DHX32: variants seen among roughly 807,000 people sequenced by gnomAD.
DHX32 encodes putative pre-mRNA-splicing factor ATP-dependent RNA helicase DHX32.
In DHX32, 51 loss-of-function variants were observed where a neutral mutation model predicts 70.0. The ratio of observed to expected loss-of-function variants is 0.73; its 90% CI spans 0.58 to 0.92. DHX32 has a LOEUF of 0.92. Among genes scored for constraint, DHX32 ranks in the 40% least tolerant of loss-of-function variants. The probability of loss-of-function intolerance (pLI) is 0.00; values close to 1 mark genes in which losing one functional copy is unlikely to be tolerated. For synonymous variants in DHX32, 310 were observed against 315.3 expected (o/e 0.98, Z 0.18); for missense variants, 762 against 891.8 (o/e 0.85, Z 1.85).
intron 6 of DHX32, among the ~76,000 whole-genome samples, chr10:125,847,899 C>T (rs1944043289): frequency 6.6e-6 from 1 of 152,158 alleles, no homozygotes; most frequent in Admixed American, 6.5e-5. Context: ...ACTGATCTGA[C>T]AGGAGGTGGA....
Position 125,841,840 on chromosome 10 carries a change from T to TGACAG in DHX32, c.1445_1446insCTGTC (p.Glu483CysfsTer15). 6.2e-7 allele frequency: 1 copy of TGACAG among 1,613,890 alleles called. No homozygotes were observed. Among genetic ancestry groups the TGACAG allele is most frequent in the Non-Finnish European group, 8.5e-7 (1 of 1,179,986 alleles). On this transcript the variant is annotated frameshift_variant, in exon 7 of 11. Coordinates refer to ENST00000284690, the MANE Select transcript of DHX32 (RefSeq NM_018180.3). LOFTEE classifies it high-confidence loss of function. ...AGAGTTGTGGATCAAGAGGAAACTC[T>TGACAG]GACATGATGATTCCAAATTCAGAAA... is the stretch of plus-strand genomic sequence containing the variant.
intron 7 of DHX32, chr10:125,841,266 AC>A (rs1854871756): frequency 6.2e-7 from 1 of 1,613,956 alleles, no homozygotes; most frequent in Non-Finnish European, 8.5e-7. Flanking sequence ...AGCAGGGAAA[AC>A]CTGAGGTGCT....
upstream of DHX32, among the ~76,000 whole-genome samples, chr10:125,883,467 C>T (rs751099905): frequency 4.7e-4 from 72 of 152,162 alleles, 1 homozygote; most frequent in Admixed American, 1.9e-3. Flanking sequence ...GAGGTACCCA[C>T]GCCCAAGCCA....
rs1373359089 is a variant in DHX32, at chr10:125,853,827, C to G, written c.1092+134G>C. The G allele has an allele frequency of 4.4e-6, 5 of 1,141,004 alleles. No individual in the cohort carries two copies. The African/African-American group carries it at 7.8e-5, about 18-fold the overall frequency. 70.7% of individuals were successfully genotyped at this position (1,141,004 alleles called of 1,614,324 possible). ...CTGGCTGCAATAATTCTTCTTTGCA[C>G]TCATGACCAAATTCAACGAATCCCC... On this transcript the variant is annotated intron_variant, in intron 4 of 10. Coordinates refer to ENST00000284690, the MANE Select transcript of DHX32 (RefSeq NM_018180.3).
intron 4 of DHX32, chr10:125,853,022 C>T (rs759654025): frequency 7.2e-6 from 6 of 830,946 alleles, no homozygotes; most frequent in Non-Finnish European, 1.1e-5. Context: ...TTCAAATCAA[C>T]CAGGATCTTG....
chr10:125,838,947 T>A (rs1245408984), intron 9 of DHX32, 54 bp downstream of exon 9: 8 of 1,535,828 alleles, frequency 5.2e-6, no homozygotes, highest in Non-Finnish European at 7.1e-6. Context: ...CAGCATATCC[T>A]GAGTATGTGC....
intron 2 of DHX32, among the ~76,000 whole-genome samples, chr10:125,863,450 A>ATT (rs1175786533): frequency 1.2e-4 from 17 of 143,854 alleles, no homozygotes; most frequent in African/African-American, 1.8e-4. Flanking sequence ...TCAATGATCA[A>ATT]TTTTTTTTTT....
chr10:125,887,348 T>C (rs1010236374), intron 1 of DHX32, among the ~76,000 whole-genome samples: 7 of 152,188 alleles, frequency 4.6e-5, no homozygotes, highest in Non-Finnish European at 7.4e-5. Flanking sequence ...GTCTATGATA[T>C]GTAGACTCAA....
rs1944104502 is a variant in DHX32, at chr10:125,852,539, C to T, written c.1192+4G>A. The T allele has an allele frequency of 6.2e-7, 1 of 1,613,416 alleles. No homozygotes were observed. Among genetic ancestry groups the T allele is most frequent in the East Asian group, 2.2e-5 (1 of 44,872 alleles). On this transcript the variant is annotated splice_donor_region_variant and intron_variant, in intron 5 of 10. Coordinates refer to ENST00000284690, the MANE Select transcript of DHX32 (RefSeq NM_018180.3). ...ACATTTAGTATTTGTGTCCACAGCA[C>T]TACCTGAAGAAGATGAGCCAAGAAT...
chr10:125,839,895 A>G (rs540740136), intron 8 of DHX32, among the ~76,000 whole-genome samples: 2 of 152,308 alleles, frequency 1.3e-5, no homozygotes, highest in South Asian at 4.1e-4. Context: ...CAACCACAGC[A>G]TGTACTTAGT....
chr10:125,839,221 A>G, intron 8 of DHX32, 33 bp from the exon 9 acceptor site: 1 of 1,602,866 alleles, frequency 6.2e-7, no homozygotes, highest in East Asian at 2.2e-5. Flanking sequence ...CTATTTAGAA[A>G]TGATTTGTCA....
At position 125,859,041 on chromosome 10, in the gene DHX32, GTTTGTTTT is replaced by G. The variant is rs1454901034; in HGVS notation, c.849+554_849+561del. On this transcript the variant is annotated intron_variant, in intron 3 of 10. Transcript: ENST00000284690. ...TAAAGGTTTTTTTTTTTGTTTGTTT[GTTTGTTTT>G]TTTTTTTTTTTTTTAATCTTTTAAG... Among the ~76,000 whole-genome samples, 204 of 134,244 alleles carry G rather than the reference GTTTGTTTT, an allele frequency of 1.5e-3. 1 individual carries two copies. The highest frequency in any genetic ancestry group is 4.1e-3 in the Middle Eastern group (1 of 244). The allele number at this position is 134,244 out of a possible 152,430, so 88.1% of individuals were successfully genotyped here.
Position 125,836,469 on chromosome 10 carries a change from A to C in DHX32, c.*218T>G, listed in dbSNP as rs1165062043. 2.5e-5 allele frequency: 35 copies of C among 1,398,234 alleles called. No homozygotes were observed. The highest frequency in any genetic ancestry group is 3.2e-5 in the Non-Finnish European group (35 of 1,077,138). The allele number at this position is 1,398,234 out of a possible 1,614,324, so 86.6% of individuals were successfully genotyped here. A position where few individuals can be genotyped will look rare whatever the true frequency, so the allele number is the denominator to read the frequency against. ...TGGTCAAATTATGAGTGGTTGATTT[A>C]AAAACTTTTCCAAGAAGAAGAAAAG... On this transcript the variant is annotated 3_prime_UTR_variant, in exon 11 of 11. Coordinates refer to ENST00000284690, the MANE Select transcript of DHX32 (RefSeq NM_018180.3).
In DHX32 at chr10:125,866,511, G is replaced by T. The variant is rs529456011; in HGVS notation, c.476+479C>A. Among the ~76,000 whole-genome samples the T allele has an allele frequency of 2.6e-5, 4 of 152,200 alleles. No individual in the cohort carries two copies. In the East Asian group the frequency reaches 7.7e-4, roughly 29 times the overall value. On this transcript the variant is annotated intron_variant, in intron 2 of 10. Coordinates refer to ENST00000284690, the MANE Select transcript of DHX32 (RefSeq NM_018180.3). This position sits in a 1 kb window ranked among gnomAD's most constrained non-coding sequence, Gnocchi z 4.8. Reference sequence around the variant, plus strand: ...GGGTTTTCTAATGTGTATTACTGGAGGGGCAGGGAAGCCTTCCTGGAGTAG... The same window carrying T: ...GGGTTTTCTAATGTGTATTACTGGATGGGCAGGGAAGCCTTCCTGGAGTAG...
intron 6 of DHX32, among the ~76,000 whole-genome samples, chr10:125,851,897 A>C (rs1419809274): frequency 1.4e-5 from 2 of 142,854 alleles, no homozygotes; most frequent in African/African-American, 5.2e-5. Flanking sequence ...CTCCAGTTTG[A>C]GCAACAGAGC....
chr10:125,880,440 T>G, intron 1 of DHX32, 103 bp downstream of exon 1: 1 of 1,227,076 alleles, frequency 8.1e-7, no homozygotes, highest in South Asian at 1.8e-5. Context: ...TTTTGTTTTT[T>G]GTTTTAGACA....
chr10:125,879,174 C>A (rs928396891), intron 1 of DHX32, among the ~76,000 whole-genome samples: 2 of 149,526 alleles, frequency 1.3e-5, no homozygotes, highest in Admixed American at 6.7e-5. Context: ...CAGGCACGCA[C>A]CACCATGCCC....
intron 10 of DHX32, among the ~76,000 whole-genome samples, chr10:125,837,194 A>G (rs967587562): frequency 2.6e-5 from 4 of 152,196 alleles, no homozygotes; most frequent in Non-Finnish European, 4.4e-5. Flanking sequence ...AGCTTTGGGT[A>G]GGGGAGAGAG....
intron 2 of DHX32, among the ~76,000 whole-genome samples, chr10:125,865,010 T>C (rs924860145): frequency 6.7e-6 from 1 of 148,802 alleles, no homozygotes; most frequent in Non-Finnish European, 1.5e-5. Flanking sequence ...GACAAAGCTC[T>C]TATAATATCT....
Sources: allele counts gnomAD v4.1 joint callset (sites outside exome capture counted in the v4.1 genomes callset), GRCh38; gene constraint gnomAD v4.1.1; non-coding constraint Gnocchi (gnomAD v3.1); transcripts MANE v1.5; gene names NCBI Gene and HGNC (gene_info 2026-07-23, HGNC 2026-07-21).